EPHB1: variants seen among roughly 807,000 people sequenced by gnomAD.
The protein encoded by EPHB1 is EPH receptor B1, also known as ephrin type-B receptor 1.
Under a neutral mutation model 94.4 loss-of-function variants are expected in EPHB1, and 30 were observed. That is an observed-to-expected ratio of 0.32 (90% CI 0.24 to 0.43). EPHB1 has a LOEUF of 0.43. Among genes scored for constraint, EPHB1 ranks in the 20% least tolerant of loss-of-function variants. EPHB1 has a pLI of 1.00. For synonymous variants in EPHB1, 522 were observed against 489.1 expected, an observed-to-expected ratio of 1.07 and a Z score of -0.89; for missense variants, 1,055 against 1,308.3, an observed-to-expected ratio of 0.81 and a Z score of 2.99.
intron 3 of EPHB1, among the ~76,000 whole-genome samples, chr3:134,961,284 C>A (rs1165697006): frequency 2.0e-5 from 3 of 152,108 alleles, no homozygotes; most frequent in Non-Finnish European, 4.4e-5. Context: ...TGGCCACATC[C>A]GGCTAGATAA....
At chr3:135,017,886 A>G (rs1935855788) in intron 3 of EPHB1, among the ~76,000 whole-genome samples, 2 of 152,070 alleles carry the variant, frequency 1.3e-5, no homozygotes, top group South Asian at 4.2e-4. Flanking sequence ...GTGTTTGTTG[A>G]ATTAATGAAG....
At chr3:135,083,011 G>A (rs1302736173) in intron 3 of EPHB1, among the ~76,000 whole-genome samples, 1 of 152,198 alleles carries the variant, frequency 6.6e-6, no homozygotes, top group African/African-American at 2.4e-5. Context: ...TCTGCACGTG[G>A]ATGGGAACTC....
At chr3:134,906,205 A>G (rs2038324409) in intron 1 of EPHB1, among the ~76,000 whole-genome samples, 1 of 152,204 alleles carries the variant, frequency 6.6e-6, no homozygotes, top group Non-Finnish European at 1.5e-5. Flanking sequence ...AAGGACTCAA[A>G]TTCCTTTTTG....
At chr3:135,023,406 TG>T (rs1489134735) in intron 3 of EPHB1, among the ~76,000 whole-genome samples, 1 of 152,202 alleles carries the variant, frequency 6.6e-6, no homozygotes, top group African/African-American at 2.4e-5. Flanking sequence ...GCAGGATCCT[TG>T]GCCTCTATTC....
At chr3:135,100,609 C>T (rs1939000600) in intron 3 of EPHB1, among the ~76,000 whole-genome samples, 1 of 152,148 alleles carries the variant, frequency 6.6e-6, no homozygotes, top group South Asian at 2.1e-4. Context: ...TTATGAGACA[C>T]TTAATCTGTT....
chr3:135,048,072 G>A (rs78354844), intron 3 of EPHB1, among the ~76,000 whole-genome samples: 4,068 of 152,110 alleles, frequency 0.027, 165 homozygotes, highest in African/African-American at 0.089. Context: ...AGACAGTGGA[G>A]TGATGGCTCA....
chr3:135,103,553 C>T (rs1366275836), intron 3 of EPHB1, among the ~76,000 whole-genome samples: 1 of 152,180 alleles, frequency 6.6e-6, no homozygotes, highest in Non-Finnish European at 1.5e-5. Flanking sequence ...TTATTAATTT[C>T]TAATAATCTG....
At chr3:135,236,498 T>C (rs1943655584) in intron 12 of EPHB1, among the ~76,000 whole-genome samples, 1 of 152,202 alleles carries the variant, frequency 6.6e-6, no homozygotes, top group Admixed American at 6.5e-5. Context: ...CAACATTCAA[T>C]AATTTATTGT....
intron 3 of EPHB1, among the ~76,000 whole-genome samples, chr3:134,984,989 A>G (rs1934544989): frequency 6.6e-6 from 1 of 152,126 alleles, no homozygotes. Context: ...GAGTGGGAGA[A>G]GCTGGGCCAG....
At chr3:134,973,422 AG>A (rs1559778170) in intron 3 of EPHB1, among the ~76,000 whole-genome samples, 1 of 111,332 alleles carries the variant, frequency 9.0e-6, no homozygotes, top group African/African-American at 4.1e-5. Context: ...TCTGTCTTCT[AG>A]TCTTTTTTTT....
intron 3 of EPHB1, among the ~76,000 whole-genome samples, chr3:135,048,434 T>C (rs1937073506): frequency 6.6e-6 from 1 of 151,894 alleles, no homozygotes; most frequent in Admixed American, 6.6e-5. Context: ...CATGCCTGCC[T>C]GTTTTTTGTA....
At chr3:135,005,732 C>A (rs562010575) in intron 3 of EPHB1, among the ~76,000 whole-genome samples, 1 of 152,352 alleles carries the variant, frequency 6.6e-6, no homozygotes, top group South Asian at 2.1e-4. Context: ...CAGGTGCCGT[C>A]CATCACCCCT....
At chr3:134,946,866 A>T (rs778019755) in intron 2 of EPHB1, among the ~76,000 whole-genome samples, 3 of 152,204 alleles carry the variant, frequency 2.0e-5, no homozygotes, top group Non-Finnish European at 4.4e-5. Flanking sequence ...CTTCTTGTAC[A>T]GGCTGCAGAA....
chr3:135,031,056 C>G (rs1473586454), intron 3 of EPHB1, among the ~76,000 whole-genome samples: 4 of 152,198 alleles, frequency 2.6e-5, no homozygotes, highest in Non-Finnish European at 5.9e-5. Flanking sequence ...CTTCCCGAGT[C>G]AGGCAATGTC....
chr3:135,062,372 A>T (rs1294794029), intron 3 of EPHB1, among the ~76,000 whole-genome samples: 2 of 152,138 alleles, frequency 1.3e-5, no homozygotes, highest in African/African-American at 2.4e-5. Context: ...TAATTTTTTG[A>T]TTATGGCCAT....
intron 3 of EPHB1, among the ~76,000 whole-genome samples, chr3:135,093,000 C>A (rs951400783): frequency 2.0e-5 from 3 of 152,128 alleles, no homozygotes; most frequent in Non-Finnish European, 4.4e-5. Flanking sequence ...TCCTCCAGAC[C>A]CCCTTACACT....
At chr3:135,051,078 G>T (rs777854878) in intron 3 of EPHB1, among the ~76,000 whole-genome samples, 6 of 152,148 alleles carry the variant, frequency 3.9e-5, no homozygotes, top group Non-Finnish European at 7.4e-5. Flanking sequence ...CCAGCATTAG[G>T]TATTTCCTTA....
chr3:135,005,666 T>C (rs1460998747), intron 3 of EPHB1, among the ~76,000 whole-genome samples: 4 of 152,216 alleles, frequency 2.6e-5, no homozygotes, highest in African/African-American at 7.2e-5. Flanking sequence ...CCTGGTGCGC[T>C]GTTTTTTAAG....
chr3:135,104,398 A>C (rs1000270093), intron 3 of EPHB1, among the ~76,000 whole-genome samples: 1 of 152,196 alleles, frequency 6.6e-6, no homozygotes, highest in Non-Finnish European at 1.5e-5. Context: ...TTCATGTTTG[A>C]TGTGTTAGAT....
Sources: gnomAD v4.1 joint callset for allele counts (sites outside exome capture counted in the v4.1 genomes callset) on GRCh38, gnomAD v4.1.1 for gene constraint, MANE v1.5 for transcripts, NCBI Gene and HGNC (gene_info 2026-07-23, HGNC 2026-07-21) for gene names.